The following ITPR2 variants were observed in gnomAD, a reference collection of about 807,000 sequenced individuals.
The protein encoded by ITPR2 is inositol 1,4,5-trisphosphate receptor type 2.
A neutral mutation model predicts 317.1 loss-of-function variants in ITPR2; 207 were observed. That is an observed-to-expected ratio of 0.65 (90% CI 0.58 to 0.73). The LOEUF is 0.73. Among genes scored for constraint, ITPR2 ranks in the 30% least tolerant of loss-of-function variants. The pLI, the probability that ITPR2 is intolerant of heterozygous loss-of-function variation, is 0.00. For synonymous variants in ITPR2, 1,156 were observed against 1,149.1 expected, an observed-to-expected ratio of 1.01 and a Z score of -0.12; for missense variants, 2,613 against 3,284.0, an observed-to-expected ratio of 0.80 and a Z score of 4.99.
At chr12:26,360,124 AG>A (rs1472172665) in intron 55 of ITPR2, among the ~76,000 whole-genome samples, 3 of 152,082 alleles carry the variant, frequency 2.0e-5, no homozygotes, top group South Asian at 2.1e-4. Flanking sequence ...AGGTTTCCTA[AG>A]GGGTGATGCC....
intron 55 of ITPR2, among the ~76,000 whole-genome samples, chr12:26,342,513 G>A (rs1938160731): frequency 1.5e-5 from 1 of 66,958 alleles, no homozygotes; most frequent in Non-Finnish European, 2.9e-5. Flanking sequence ...GGGGGGGGGG[G>A]CGGGGGTCAG....
chr12:26,732,606 C>T (rs1489115310), intron 2 of ITPR2, among the ~76,000 whole-genome samples: 1 of 152,128 alleles, frequency 6.6e-6, no homozygotes, highest in Non-Finnish European at 1.5e-5. Context: ...GGGTTATTTT[C>T]TCCATGTTAC....
intron 36 of ITPR2, among the ~76,000 whole-genome samples, chr12:26,551,533 T>A (rs1162168542): frequency 6.6e-6 from 1 of 151,942 alleles, no homozygotes; most frequent in East Asian, 1.9e-4. Context: ...TTGTGCAGAG[T>A]CCCCACACAT....
At chr12:26,664,153 T>C (rs985428739) in intron 14 of ITPR2, among the ~76,000 whole-genome samples, 1 of 152,218 alleles carries the variant, frequency 6.6e-6, no homozygotes, top group Non-Finnish European at 1.5e-5. Flanking sequence ...TACATGAACA[T>C]ATTCAGATGA....
chr12:26,798,436 A>C (rs1439103173), intron 1 of ITPR2, among the ~76,000 whole-genome samples: 1 of 152,204 alleles, frequency 6.6e-6, no homozygotes, highest in Non-Finnish European at 1.5e-5. Context: ...TGTAGTTTGA[A>C]AGTTTAAGTG....
In ITPR2 at chr12:26,673,240, A is replaced by G. The variant is rs1420124748; in HGVS notation, c.1410-7189T>C. ...ACCAAAGCTGGGCAGAGACACAACCAAAAAAGAGAATTTTAGACCAATATC... is the reference window on the plus strand; with the variant it reads ...ACCAAAGCTGGGCAGAGACACAACCGAAAAAGAGAATTTTAGACCAATATC... On this transcript the variant is annotated intron_variant, in intron 13 of 56. Coordinates refer to ENST00000381340, the MANE Select transcript of ITPR2 (RefSeq NM_002223.4). Among the ~76,000 whole-genome samples, 3 of 152,078 alleles carry G rather than the reference A, an allele frequency of 2.0e-5. No individual in the cohort carries two copies. In the East Asian group the frequency reaches 5.8e-4, roughly 29 times the overall value.
intron 55 of ITPR2, among the ~76,000 whole-genome samples, chr12:26,348,975 T>A (rs1938394466): frequency 1.3e-5 from 2 of 152,092 alleles, no homozygotes; most frequent in Admixed American, 1.3e-4. Context: ...GAGCAAGACC[T>A]CATCTCTACT....
In ITPR2 at chr12:26,632,885, T is replaced by C. The variant is rs563854982; in HGVS notation, c.2741-826A>G. ...AAATAGCTGTATCCAAGGATCCTCC[T>C]TAACACTATGACAATTTATGTTCTC... On this transcript the variant is annotated intron_variant, in intron 21 of 56. Coordinates refer to ENST00000381340, the MANE Select transcript of ITPR2 (RefSeq NM_002223.4). Among the ~76,000 whole-genome samples the C allele has an allele frequency of 2.5e-4, 38 of 152,332 alleles. No homozygotes were observed. In the South Asian group the frequency reaches 7.7e-3, roughly 31 times the overall value.
chr12:26,549,286 G>C (rs1157452887), intron 37 of ITPR2, among the ~76,000 whole-genome samples: 1 of 152,134 alleles, frequency 6.6e-6, no homozygotes, highest in Non-Finnish European at 1.5e-5. Context: ...ATGCAAAGTA[G>C]AAGGCATTTT....
At chr12:26,511,196 A>G (rs1943337798) in intron 37 of ITPR2, among the ~76,000 whole-genome samples, 1 of 152,166 alleles carries the variant, frequency 6.6e-6, no homozygotes, top group African/African-American at 2.4e-5. Context: ...GTATCATCCC[A>G]TCAGTGGAAC....
chr12:26,785,428 T>A (rs1416533500), intron 2 of ITPR2, among the ~76,000 whole-genome samples: 2 of 49,968 alleles, frequency 4.0e-5, no homozygotes, highest in Non-Finnish European at 9.8e-5. Context: ...AGGAGGGAGG[T>A]GGGGGGGTCA....
intron 1 of ITPR2, among the ~76,000 whole-genome samples, chr12:26,798,326 G>A (rs528403408): frequency 3.3e-5 from 5 of 152,256 alleles, no homozygotes; most frequent in East Asian, 1.9e-4. Flanking sequence ...CACGTTCCTC[G>A]TATTTCTGTG....
At chr12:26,340,462 G>C in intron 55 of ITPR2, 134 bp from the exon 56 acceptor site, 1 of 921,244 alleles carries the variant, frequency 1.1e-6, no homozygotes, top group East Asian at 3.2e-5. Flanking sequence ...CTGGCATAGG[G>C]AGGGGCTGAA....
At chr12:26,545,589 A>C (rs1175214483) in intron 37 of ITPR2, among the ~76,000 whole-genome samples, 1 of 152,176 alleles carries the variant, frequency 6.6e-6, no homozygotes, top group Non-Finnish European at 1.5e-5. Context: ...AAGATAATAA[A>C]TTTGTGTGGT....
chr12:26,451,432 C>G (rs1255399276), intron 45 of ITPR2, among the ~76,000 whole-genome samples: 1 of 150,216 alleles, frequency 6.7e-6, no homozygotes, highest in African/African-American at 2.5e-5. Context: ...CTGATGCCTT[C>G]CCTCCCCAGC....
At chr12:26,446,732 C>CAAAAAAAAAA (rs34601956) in intron 45 of ITPR2, among the ~76,000 whole-genome samples, 1 of 122,772 alleles carries the variant, frequency 8.1e-6, no homozygotes, top group African/African-American at 3.0e-5. Context: ...AAAAGGGACT[C>CAAAAAAAAAA]AAAAAAAAAA....
intron 2 of ITPR2, among the ~76,000 whole-genome samples, chr12:26,726,887 GA>G (rs1196598598): frequency 1.3e-5 from 2 of 152,122 alleles, no homozygotes; most frequent in Non-Finnish European, 2.9e-5. Flanking sequence ...AGACAATGAT[GA>G]TTTTTTTCTA....
At chr12:26,534,906 G>C (rs996296466) in intron 37 of ITPR2, among the ~76,000 whole-genome samples, 7 of 152,178 alleles carry the variant, frequency 4.6e-5, no homozygotes, top group African/African-American at 1.4e-4. Flanking sequence ...TCTGTGTGAA[G>C]CATTTTTCAT....
chr12:26,511,380 C>T (rs535156027), intron 37 of ITPR2, among the ~76,000 whole-genome samples: 1 of 152,244 alleles, frequency 6.6e-6, no homozygotes, highest in African/African-American at 2.4e-5. Flanking sequence ...GTACTCTGGA[C>T]TTCTCCTTCA....
Sources: gnomAD v4.1 joint callset for allele counts (sites outside exome capture counted in the v4.1 genomes callset) on GRCh38, gnomAD v4.1.1 for gene constraint, MANE v1.5 for transcripts, NCBI Gene and HGNC (gene_info 2026-07-23, HGNC 2026-07-21) for gene names.